The following GAREM1 variants were observed in gnomAD, a reference collection of about 807,000 sequenced individuals.
GAREM1 encodes GRB2-associated and regulator of MAPK protein 1.
A neutral mutation model predicts 71.3 loss-of-function variants in GAREM1; 26 were observed. The observed-to-expected ratio is 0.36, with a 90% CI of 0.27 to 0.51. The LOEUF is 0.51. Ranked by LOEUF, GAREM1 falls within the 20% of genes least tolerant of loss-of-function variation. The probability of loss-of-function intolerance (pLI) is 0.95; values close to 1 mark genes in which losing one functional copy is unlikely to be tolerated. For synonymous variants in GAREM1, 440 were observed against 433.2 expected (o/e 1.02, Z -0.20); for missense variants, 1,026 against 1,103.1 (o/e 0.93, Z 0.99).
intron 4 of GAREM1, among the ~76,000 whole-genome samples, chr18:32,270,898 T>G (rs12970423): frequency 5.1e-5 from 1 of 19,600 alleles, no homozygotes; most frequent in Admixed American, 4.6e-4. Flanking sequence ...TTCAGGGATG[T>G]TTTTTTTTTT....
At chr18:32,373,671 C>T (rs1039556349) in intron 2 of GAREM1, among the ~76,000 whole-genome samples, 1 of 152,176 alleles carries the variant, frequency 6.6e-6, no homozygotes, top group Non-Finnish European at 1.5e-5. Context: ...CGCCCACAAG[C>T]ATTTCTATAA....
At chr18:32,290,510 T>C (rs544889670) in intron 3 of GAREM1, among the ~76,000 whole-genome samples, 87 of 152,054 alleles carry the variant, frequency 5.7e-4, no homozygotes, top group African/African-American at 1.9e-3. Flanking sequence ...CTGGGCATGG[T>C]GGCACGTGAC....
rs771262827 is a variant in GAREM1, at chr18:32,287,064, T to C, written c.1533A>G (p.Leu511=). The C allele has an allele frequency of 1.1e-5, 18 of 1,613,932 alleles. No individual in the cohort carries two copies. The highest frequency in any genetic ancestry group is 1.5e-5 in the Non-Finnish European group (18 of 1,179,892). The change falls in exon 4 of 6, where the codon CTA becomes CTG. Residue 511 remains leucine (L), a synonymous_variant. Transcript: ENST00000269209. The surrounding 1 kb of genome is among the most constrained non-coding windows in gnomAD (Gnocchi z 5.9). ...GAAVKSSDTA[L]PPPPVPPKSE... ...ATTTGGGAGGCACTGGAGGTGGAGG[T>C]AGGGCAGTATCTGAAGACTTCACTG...
At chr18:32,431,062 G>A (rs1010137046) in intron 1 of GAREM1, among the ~76,000 whole-genome samples, 9 of 152,120 alleles carry the variant, frequency 5.9e-5, no homozygotes, top group African/African-American at 1.4e-4. Context: ...TAAACAACTC[G>A]TCAAATGCTT....
At chr18:32,458,022 T>C (rs1458866) in intron 1 of GAREM1, among the ~76,000 whole-genome samples, 18,868 of 152,166 alleles carry the variant, frequency 0.12, 1,274 homozygotes, top group South Asian at 0.19. Flanking sequence ...CTGGAAGTGA[T>C]CTGTGAATTT....
intron 1 of GAREM1, among the ~76,000 whole-genome samples, chr18:32,468,280 G>A (rs1343169960): frequency 6.6e-6 from 1 of 152,134 alleles, no homozygotes; most frequent in Non-Finnish European, 1.5e-5. Flanking sequence ...TCCACAATAG[G>A]GGATGAAATT....
chr18:32,303,710 G>A (rs1258282259), intron 3 of GAREM1, among the ~76,000 whole-genome samples: 1 of 152,024 alleles, frequency 6.6e-6, no homozygotes. Context: ...TTGAGGCCAG[G>A]AATTCAAGAC....
intron 2 of GAREM1, among the ~76,000 whole-genome samples, chr18:32,340,317 C>T (rs7240755): frequency 0.11 from 17,257 of 152,138 alleles, 1,953 homozygotes; most frequent in African/African-American, 0.29. Context: ...CTAGGATCCA[C>T]GCTCTAGAGA....
rs189787035 is a variant in GAREM1 at position 32,287,829 on chromosome 18, C to G, written c.768G>C (p.Pro256=). The change falls in exon 4 of 6, where the codon CCG becomes CCC. Residue 256 remains proline (P), a synonymous_variant. Coordinates refer to ENST00000269209, the MANE Select transcript of GAREM1 (RefSeq NM_001242409.2). This position sits in a 1 kb window ranked among gnomAD's most constrained non-coding sequence, Gnocchi z 5.9. The part of the protein sequence containing the change: ...PVNVTVPSPP[P]RNPYDLHFIR... ...TGAAGTGGAGGTCGTATGGGTTTCTCGGTGGAGGGCTTGGCACAGTCACAT... is the reference window on the plus strand; with the variant it reads ...TGAAGTGGAGGTCGTATGGGTTTCTGGGTGGAGGGCTTGGCACAGTCACAT... The G allele has an allele frequency of 2.5e-6, 4 of 1,613,664 alleles. No individual in the cohort carries two copies. In the African/African-American group the frequency reaches 5.3e-5, roughly 22 times the overall value.
intron 3 of GAREM1, among the ~76,000 whole-genome samples, chr18:32,299,408 G>A (rs1055832842): frequency 6.6e-6 from 1 of 151,388 alleles, no homozygotes; most frequent in Non-Finnish European, 1.5e-5. Flanking sequence ...CAGCTGCTGG[G>A]GAGGCTGAGG....
In GAREM1 at chr18:32,470,279, G is replaced by T; in HGVS notation, c.121+29C>A. 6.8e-7 allele frequency: 1 copy of T among 1,478,602 alleles called. No homozygotes were observed. The highest frequency in any genetic ancestry group is 1.3e-5 in the South Asian group (1 of 77,550). The allele number at this position is 1,478,602 out of a possible 1,614,324, so 91.6% of individuals were successfully genotyped here. On this transcript the variant is annotated intron_variant, in intron 1 of 5. Coordinates refer to ENST00000269209, the MANE Select transcript of GAREM1 (RefSeq NM_001242409.2). This position sits in a 1 kb window ranked among gnomAD's most constrained non-coding sequence, Gnocchi z 4.4. ...CGCGTGGAGACGGCTGTCCTCGCCC[G>T]TCTGCCCCGCGCCCCAGCTGGGACT...
chr18:32,399,033 T>C (rs928072133), intron 1 of GAREM1, among the ~76,000 whole-genome samples: 2 of 152,174 alleles, frequency 1.3e-5, no homozygotes, highest in Non-Finnish European at 2.9e-5. Context: ...AATCAATAAA[T>C]GTAATCCAGC....
chr18:32,269,584 G>A (rs913534534), intron 5 of GAREM1, among the ~76,000 whole-genome samples: 3 of 152,096 alleles, frequency 2.0e-5, no homozygotes, highest in Admixed American at 6.5e-5. Context: ...GATATGGGAT[G>A]GACCTATTTT....
intron 2 of GAREM1, among the ~76,000 whole-genome samples, chr18:32,313,668 G>A (rs540052432): frequency 9.9e-5 from 15 of 152,184 alleles, no homozygotes; most frequent in Non-Finnish European, 2.1e-4. Flanking sequence ...GATACAGTCT[G>A]ATGAACAAGA....
intron 3 of GAREM1, among the ~76,000 whole-genome samples, chr18:32,298,424 GAAAC>G (rs1288482911): frequency 6.6e-6 from 1 of 151,588 alleles, no homozygotes; most frequent in Non-Finnish European, 1.5e-5. Flanking sequence ...AATAGCAAAA[GAAAC>G]AATGCATTCT....
chr18:32,443,189 T>G (rs756553217), intron 1 of GAREM1, among the ~76,000 whole-genome samples: 2 of 152,044 alleles, frequency 1.3e-5, no homozygotes, highest in Non-Finnish European at 2.9e-5. Flanking sequence ...ACCATAAAAC[T>G]CTTAGAAGAA....
intron 1 of GAREM1, among the ~76,000 whole-genome samples, chr18:32,417,226 C>T (rs1052815274): frequency 7.9e-5 from 12 of 152,026 alleles, no homozygotes; most frequent in African/African-American, 1.9e-4. Flanking sequence ...TAACAAATGC[C>T]GGCAAGGGCA....
At chr18:32,410,087 A>G (rs1392127478) in intron 1 of GAREM1, among the ~76,000 whole-genome samples, 1 of 152,178 alleles carries the variant, frequency 6.6e-6, no homozygotes, top group African/African-American at 2.4e-5. Context: ...AGATGCTCAC[A>G]CCATAAAAGG....
At chr18:32,369,115 T>C (rs2047953257) in intron 2 of GAREM1, among the ~76,000 whole-genome samples, 1 of 152,172 alleles carries the variant, frequency 6.6e-6, no homozygotes, top group Non-Finnish European at 1.5e-5. Context: ...CTGGCACAAG[T>C]GCATGTTATC....
Sources: allele counts gnomAD v4.1 joint callset (sites outside exome capture counted in the v4.1 genomes callset), GRCh38; gene constraint gnomAD v4.1.1; non-coding constraint Gnocchi (gnomAD v3.1); transcripts MANE v1.5; gene names NCBI Gene and HGNC (gene_info 2026-07-23, HGNC 2026-07-21).